Variants in FBXL17 observed in about 807,000 individuals in gnomAD.
FBXL17 encodes F-box/LRR-repeat protein 17.
FBXL17 carries 22 observed loss-of-function variants against 66.2 expected under a neutral mutation model. The ratio of observed to expected loss-of-function variants is 0.33; its 90% CI spans 0.24 to 0.47. The LOEUF is 0.47. Among genes scored for constraint, FBXL17 ranks in the 20% least tolerant of loss-of-function variants. FBXL17 has a pLI of 1.00. For synonymous variants in FBXL17, 474 were observed against 400.5 expected, an observed-to-expected ratio of 1.18 and a Z score of -2.19; for missense variants, 878 against 948.2, an observed-to-expected ratio of 0.93 and a Z score of 0.97.
chr5:108,305,572 A>C (rs1484502316), intron 4 of FBXL17, among the ~76,000 whole-genome samples: 1 of 152,002 alleles, frequency 6.6e-6, no homozygotes, highest in Non-Finnish European at 1.5e-5. Context: ...GGCATCTCCA[A>C]CCTGTATGAG....
At chr5:107,931,807 T>C (rs756874988) in intron 7 of FBXL17, among the ~76,000 whole-genome samples, 1 of 152,314 alleles carries the variant, frequency 6.6e-6, no homozygotes, top group Non-Finnish European at 1.5e-5. Flanking sequence ...AAACATAAAT[T>C]CAAGTATTTA....
intron 4 of FBXL17, among the ~76,000 whole-genome samples, chr5:108,239,919 A>G (rs910426989): frequency 1.3e-4 from 20 of 151,932 alleles, no homozygotes; most frequent in African/African-American, 4.8e-4. Context: ...GTATTCCAGG[A>G]CCTAGATCCT....
At chr5:108,330,634 C>T (rs950838557) in intron 4 of FBXL17, among the ~76,000 whole-genome samples, 15 of 151,724 alleles carry the variant, frequency 9.9e-5, no homozygotes, top group African/African-American at 3.4e-4. Context: ...ACCAAGGGAA[C>T]AAAAAAAACT....
At chr5:108,192,718 G>C (rs1753517426) in intron 5 of FBXL17, among the ~76,000 whole-genome samples, 1 of 152,122 alleles carries the variant, frequency 6.6e-6, no homozygotes, top group Non-Finnish European at 1.5e-5. Flanking sequence ...CTTGAACCCA[G>C]GAGGCAGAGG....
rs148376589 is a variant in FBXL17 at position 108,298,707 on chromosome 5, CAA to C, written c.1506+49690_1506+49691del. The stretch of plus-strand genomic sequence containing the variant: ...CATACAGAATATTAAATAAAAGTAT[CAA>C]AGTCTTATAATTCCTAATTCAATTT... On this transcript the variant is annotated intron_variant, in intron 4 of 8. Transcript: ENST00000542267. 9,796 of 771,010 alleles carry C rather than the reference CAA, an allele frequency of 0.013. 795 individuals are homozygous for C. In the African/African-American group the frequency reaches 0.17, roughly 14 times the overall value. The allele number at this position is 771,010 out of a possible 1,614,324, so 47.8% of individuals were successfully genotyped here.
chr5:107,994,825 G>C (rs754814968), intron 7 of FBXL17, among the ~76,000 whole-genome samples: 1 of 152,050 alleles, frequency 6.6e-6, no homozygotes, highest in African/African-American at 2.4e-5. Context: ...GAGAGAGAGA[G>C]TGAGGCTCCA....
intron 6 of FBXL17, among the ~76,000 whole-genome samples, chr5:108,179,688 C>A (rs1053752035): frequency 6.6e-6 from 1 of 152,138 alleles, no homozygotes; most frequent in African/African-American, 2.4e-5. Flanking sequence ...TTTTGGAAGG[C>A]AGACAATGAA....
intron 5 of FBXL17, among the ~76,000 whole-genome samples, chr5:108,187,339 C>T (rs1041650366): frequency 2.0e-5 from 3 of 152,146 alleles, no homozygotes; most frequent in African/African-American, 7.2e-5. Context: ...AAATACCCCT[C>T]CCACCAAAGA....
chr5:108,359,012 A>T (rs1014020315), intron 3 of FBXL17, among the ~76,000 whole-genome samples: 1 of 151,990 alleles, frequency 6.6e-6, no homozygotes, highest in Non-Finnish European at 1.5e-5. Flanking sequence ...GCTGGAACTC[A>T]GAATTTCTAC....
At chr5:108,335,523 T>C (rs1209765855) in intron 4 of FBXL17, among the ~76,000 whole-genome samples, 8 of 152,066 alleles carry the variant, frequency 5.3e-5, no homozygotes, top group Admixed American at 3.3e-4. Flanking sequence ...CTAAGGTGAT[T>C]ACAAGTTGAC....
At chr5:108,092,501 A>C (rs1370308618) in intron 6 of FBXL17, among the ~76,000 whole-genome samples, 1 of 152,050 alleles carries the variant, frequency 6.6e-6, no homozygotes, top group East Asian at 1.9e-4. Context: ...GTTTTAGTAG[A>C]TATGGGGTTT....
chr5:108,148,099 G>A (rs1020263391), intron 6 of FBXL17, among the ~76,000 whole-genome samples: 1 of 152,064 alleles, frequency 6.6e-6, no homozygotes, highest in Non-Finnish European at 1.5e-5. Flanking sequence ...AAAAACACTT[G>A]TATATATACG....
At chr5:108,069,997 T>C (rs1748268757) in intron 6 of FBXL17, among the ~76,000 whole-genome samples, 1 of 152,232 alleles carries the variant, frequency 6.6e-6, no homozygotes, top group Admixed American at 6.5e-5. Context: ...ATTCTTCCTC[T>C]ATTGCTGTCC....
intron 7 of FBXL17, among the ~76,000 whole-genome samples, chr5:107,885,072 AAATGT>A (rs1748918976): frequency 6.6e-6 from 1 of 152,206 alleles, no homozygotes; most frequent in Non-Finnish European, 1.5e-5. Flanking sequence ...ATAGGGCTGT[AAATGT>A]AATGTATCAT....
intron 4 of FBXL17, among the ~76,000 whole-genome samples, chr5:108,273,672 A>G (rs1757368665): frequency 6.6e-6 from 1 of 152,102 alleles, no homozygotes; most frequent in Non-Finnish European, 1.5e-5. Flanking sequence ...CTTCTATGAA[A>G]TAACACAAGC....
chr5:108,298,054 C>A (rs1449613555), intron 4 of FBXL17: 1 of 983,906 alleles, frequency 1.0e-6, no homozygotes, highest in East Asian at 1.1e-4. Context: ...GATGATAAAG[C>A]AATTACTCCT....
chr5:108,194,906 T>C (rs1299782539), intron 5 of FBXL17, among the ~76,000 whole-genome samples: 1 of 152,214 alleles, frequency 6.6e-6, no homozygotes, highest in Non-Finnish European at 1.5e-5. Flanking sequence ...CAACCTGGAC[T>C]GGTAACCACT....
intron 6 of FBXL17, among the ~76,000 whole-genome samples, chr5:108,036,022 G>A (rs1469519145): frequency 6.6e-6 from 1 of 152,178 alleles, no homozygotes; most frequent in Non-Finnish European, 1.5e-5. Flanking sequence ...GATACACTAA[G>A]GCTGTGCCTG....
chr5:108,318,148 C>A (rs1405065732), intron 4 of FBXL17, among the ~76,000 whole-genome samples: 1 of 151,514 alleles, frequency 6.6e-6, no homozygotes, highest in East Asian at 1.9e-4. Context: ...AACCCATGTG[C>A]ACAACAAAGA....
Sources: gnomAD v4.1 joint callset for allele counts (sites outside exome capture counted in the v4.1 genomes callset) on GRCh38, gnomAD v4.1.1 for gene constraint, MANE v1.5 for transcripts, NCBI Gene and HGNC (gene_info 2026-07-23, HGNC 2026-07-21) for gene names.